Variants in MYO1H observed in about 807,000 individuals in gnomAD.
MYO1H encodes unconventional myosin-Ih.
In MYO1H, 118 loss-of-function variants were observed where a neutral mutation model predicts 149.3. That is an observed-to-expected ratio of 0.79 (90% CI 0.68 to 0.92). The LOEUF is 0.92. Among genes scored for constraint, MYO1H ranks in the 40% least tolerant of loss-of-function variants. The probability of loss-of-function intolerance (pLI) is 0.00; values close to 1 mark genes in which losing one functional copy is unlikely to be tolerated. For synonymous variants in MYO1H, 447 were observed against 465.2 expected, an observed-to-expected ratio of 0.96 and a Z score of 0.50; for missense variants, 1,212 against 1,280.7, an observed-to-expected ratio of 0.95 and a Z score of 0.82.
chr12:109,347,582 T>C (rs1021598308), upstream of MYO1H, among the ~76,000 whole-genome samples: 1 of 133,834 alleles, frequency 7.5e-6, no homozygotes, highest in Non-Finnish European at 1.7e-5. Flanking sequence ...GAATTTTCTT[T>C]TCTTTTTTTT....
chr12:109,340,489 CCT>C, the MYO1H span, among the ~76,000 whole-genome samples: 2 of 152,226 alleles, frequency 1.3e-5, no homozygotes, highest in African/African-American at 2.4e-5. Context: ...TTAACACCCC[CCT>C]GTTCTCTACA....
At chr12:109,322,421 A>C in the MYO1H span, among the ~76,000 whole-genome samples, 1 of 152,202 alleles carries the variant, frequency 6.6e-6, no homozygotes, top group Admixed American at 6.5e-5. Context: ...AACCGTATTA[A>C]TGCATATTGA....
At chr12:109,358,266 A>G (rs1450275119) in intron 1 of MYO1H, among the ~76,000 whole-genome samples, 2 of 152,114 alleles carry the variant, frequency 1.3e-5, no homozygotes, top group Non-Finnish European at 2.9e-5. Flanking sequence ...TTAGAAATGT[A>G]AAAAGGTATA....
intron 31 of MYO1H, 65 bp from the exon 32 acceptor site, chr12:109,447,093 TA>T: frequency 6.7e-7 from 1 of 1,483,442 alleles, no homozygotes; most frequent in Non-Finnish European, 9.2e-7. Context: ...GTTGAGGTGA[TA>T]ACTGTTTCCT....
intron 2 of MYO1H, 97 bp downstream of exon 2, chr12:109,388,941 T>TC: frequency 7.1e-7 from 1 of 1,410,852 alleles, no homozygotes; most frequent in Non-Finnish European, 9.5e-7. Context: ...TCTATTAGGT[T>TC]AGACATTAAA....
chr12:109,391,255 T>C (rs953874013), intron 2 of MYO1H, among the ~76,000 whole-genome samples: 1 of 151,942 alleles, frequency 6.6e-6, no homozygotes, highest in Non-Finnish European at 1.5e-5. Context: ...CCAATGGGTG[T>C]TGTTCCCCCC....
chr12:109,359,792 C>T (rs1301492728), intron 1 of MYO1H, among the ~76,000 whole-genome samples: 1 of 152,234 alleles, frequency 6.6e-6, no homozygotes, highest in Non-Finnish European at 1.5e-5. Context: ...GGATTATCTG[C>T]AAGCGTTTCC....
At chr12:109,407,710 T>TA (rs1870456697) in intron 9 of MYO1H, 84 bp from the exon 10 acceptor site, 2 of 1,433,156 alleles carry the variant, frequency 1.4e-6, no homozygotes, top group Non-Finnish European at 9.3e-7. Context: ...TATTTTATTT[T>TA]TTTTTTAAGA....
intron 14 of MYO1H, among the ~76,000 whole-genome samples, chr12:109,414,617 CAA>C (rs2135565074): frequency 6.6e-6 from 1 of 151,734 alleles, no homozygotes; most frequent in East Asian, 1.9e-4. Flanking sequence ...CCTAGAAAAA[CAA>C]AAGTTAATTT....
intron 1 of MYO1H, among the ~76,000 whole-genome samples, chr12:109,352,155 TA>T (rs1377484029): frequency 6.6e-6 from 1 of 152,194 alleles, no homozygotes; most frequent in Non-Finnish European, 1.5e-5. Flanking sequence ...CTGTTCATAA[TA>T]CCACTTTTAT....
chr12:109,312,373 C>T, the MYO1H span, among the ~76,000 whole-genome samples: 45 of 146,734 alleles, frequency 3.1e-4, no homozygotes, highest in African/African-American at 1.1e-3. Context: ...CCACCACGCC[C>T]AGCTAATTTT....
intron 1 of MYO1H, among the ~76,000 whole-genome samples, chr12:109,362,881 G>A (rs75486320): frequency 0.053 from 8,074 of 152,274 alleles, 688 homozygotes; most frequent in African/African-American, 0.18. Flanking sequence ...CAGTCCATCA[G>A]TTTCATTGGT....
At chr12:109,388,241 A>T (rs759971) in intron 1 of MYO1H, among the ~76,000 whole-genome samples, 75,809 of 151,962 alleles carry the variant, frequency 0.5, 19,588 homozygotes, top group African/African-American at 0.62. Flanking sequence ...ACATTAATTT[A>T]AAAAAAACAT....
At chr12:109,436,053 A>G (rs1871844302) in intron 21 of MYO1H, among the ~76,000 whole-genome samples, 1 of 152,124 alleles carries the variant, frequency 6.6e-6, no homozygotes, top group African/African-American at 2.4e-5. Flanking sequence ...AAGCCGAGGG[A>G]GAGTGTTCTC....
At chr12:109,443,478 C>A in intron 27 of MYO1H, 36 bp from the exon 28 acceptor site, 1 of 1,606,444 alleles carries the variant, frequency 6.2e-7, no homozygotes, top group African/African-American at 1.3e-5. Flanking sequence ...GGTACTCTGC[C>A]CCACCTTCCC....
Position 109,428,115 on chromosome 12 carries a change from A to C in MYO1H, c.1949+529A>C, listed in dbSNP as rs183643468. Among the ~76,000 whole-genome samples, 223 of 149,648 alleles carry C rather than the reference A, an allele frequency of 1.5e-3. 2 individuals carry two copies. Among genetic ancestry groups the C allele is most frequent in the African/African-American group, 5.2e-3 (212 of 40,848 alleles). ...ACAAAACAAAACAACAAAAAAAAAA[A>C]CTCACAAAAATTCAGTTTACCATCT... On this transcript the variant is annotated intron_variant, in intron 19 of 31. Coordinates refer to ENST00000310903, the Ensembl canonical transcript of MYO1H.
rs934212271 is a variant in MYO1H, at chr12:109,407,625, G to A, written c.1036-169G>A. ...CAAAAAAAAAAAAAAAAAAAAAAGC[G>A]AGGCATGGTGGTGGGCACCTGTAGT... is the stretch of plus-strand genomic sequence containing the variant. On this transcript the variant is annotated intron_variant, in intron 9 of 31. Transcript: ENST00000310903. Among the ~76,000 whole-genome samples the A allele has an allele frequency of 5.7e-4, 84 of 146,900 alleles. 1 individual carries two copies. Among genetic ancestry groups the A allele is most frequent in the Non-Finnish European group, 2.7e-4 (18 of 67,052 alleles).
At chr12:109,442,128 G>T in intron 26 of MYO1H, 89 bp from the exon 27 acceptor site, 1 of 1,053,754 alleles carries the variant, frequency 9.5e-7, no homozygotes, top group South Asian at 1.3e-5. Context: ...TTAGCACAGA[G>T]ATGCATAACA....
exon 20 of MYO1H, chr12:109,432,971 A>G (rs1566040816): frequency 1.2e-6 from 2 of 1,614,054 alleles, no homozygotes; most frequent in East Asian, 4.5e-5. Flanking sequence ...CGGCTGATCA[A>G]GTACATCGGC....
Sources: allele counts gnomAD v4.1 joint callset (sites outside exome capture counted in the v4.1 genomes callset), GRCh38; gene constraint gnomAD v4.1.1; transcripts MANE v1.5; gene names NCBI Gene and HGNC (gene_info 2026-07-23, HGNC 2026-07-21).